The following SHC2 variants were observed in gnomAD, a reference collection of about 807,000 sequenced individuals.
SHC2 encodes SHC-transforming protein 2.
A neutral mutation model predicts 60.6 loss-of-function variants in SHC2; 62 were observed. The ratio of observed to expected loss-of-function variants is 1.02; its 90% confidence interval spans 0.83 to 1.26. SHC2 has a LOEUF of 1.26. Ranked by LOEUF, SHC2 falls within the 50% of genes most tolerant of loss-of-function variation. The pLI, the probability that SHC2 is intolerant of heterozygous loss-of-function variation, is 0.00. For missense variants in SHC2, 873 were observed against 822.2 expected, an observed-to-expected ratio of 1.06 and a Z score of -0.76; for synonymous variants, 375 against 372.4, an observed-to-expected ratio of 1.01 and a Z score of -0.08.
chr19:447,670 C>T (rs555291821), intron 1 of SHC2, among the ~76,000 whole-genome samples: 1 of 152,054 alleles, frequency 6.6e-6, no homozygotes, highest in South Asian at 2.1e-4. Flanking sequence ...CCCAGCTACT[C>T]GGGAGGCTGA....
At chr19:454,855 T>G (rs1975297476) in intron 1 of SHC2, among the ~76,000 whole-genome samples, 1 of 151,356 alleles carries the variant, frequency 6.6e-6, no homozygotes, top group East Asian at 2.0e-4. Context: ...GCCCGTCCCC[T>G]CTGGAGGCAG....
chr19:454,518 G>A (rs900965769), intron 1 of SHC2, among the ~76,000 whole-genome samples: 3 of 152,198 alleles, frequency 2.0e-5, no homozygotes, highest in East Asian at 1.9e-4. Context: ...CGGACGCGAC[G>A]GCGCACACCT....
At chr19:455,054 C>A (rs1975305114) in intron 1 of SHC2, among the ~76,000 whole-genome samples, 2 of 152,246 alleles carry the variant, frequency 1.3e-5, no homozygotes, top group African/African-American at 4.8e-5. Context: ...CCAACGTGAC[C>A]TTGTTTAATG....
chr19:425,200 G>T lies in SHC2; in HGVS notation c.1206C>A (p.Asp402Glu). Residue 402 changes from aspartate (D) to glutamate (E), a missense_variant, in exon 10 of 13, where the codon GAC becomes GAA. By Grantham distance (45) the Asp-to-Glu change is conservative (BLOSUM62 2). Coordinates refer to ENST00000264554, the MANE Select transcript of SHC2 (RefSeq NM_012435.3). This position sits in a 1 kb window ranked among gnomAD's most constrained non-coding sequence, Gnocchi z 4.1. ...APPGDGYVQA[D>E]ARGPPDHEEH... ...CCTCGTGGTCCGGGGGGCCCCGGGCGTCCGCCTGCACGTAGCCGTCCCCCG... is the reference window on the plus strand; with the variant it reads ...CCTCGTGGTCCGGGGGGCCCCGGGCTTCCGCCTGCACGTAGCCGTCCCCCG... The T allele has an allele frequency of 7.5e-7, 1 of 1,341,712 alleles. No homozygotes were observed. Among genetic ancestry groups the T allele is most frequent in the Non-Finnish European group, 9.6e-7 (1 of 1,036,892 alleles). The allele number at this position is 1,341,712 out of a possible 1,614,324, so 83.1% of individuals were successfully genotyped here.
intron 11 of SHC2, among the ~76,000 whole-genome samples, chr19:421,397 C>CAAAAAAAAAAAAAAAAAAAA (rs10582067): frequency 8.3e-6 from 1 of 120,140 alleles, no homozygotes; most frequent in African/African-American, 3.2e-5. Context: ...GAGACTCCAT[C>CAAAAAAAAAAAAAAAAAAAA]AAAAAAAAAA....
intron 1 of SHC2, among the ~76,000 whole-genome samples, chr19:455,911 C>T (rs1484480506): frequency 6.6e-6 from 1 of 152,022 alleles, no homozygotes; most frequent in Non-Finnish European, 1.5e-5. Flanking sequence ...GTCCCACCTG[C>T]AGGTCCCCTG....
At chr19:435,160 G>A (rs979334485) in intron 7 of SHC2, among the ~76,000 whole-genome samples, 1 of 152,254 alleles carries the variant, frequency 6.6e-6, no homozygotes, top group African/African-American at 2.4e-5. Flanking sequence ...GCAGCAGAGG[G>A]CATGAGCCAA....
Position 460,674 on chromosome 19 carries a change from C to G in SHC2, c.323G>C (p.Arg108Pro). ...GGACCCCGCCGCCCCCCGCCCGCCCCGCGACCCCCGCGACCCCGCGCCCCG... is the reference window on the plus strand; with the variant it reads ...GGACCCCGCCGCCCCCCGCCCGCCCGGCGACCCCCGCGACCCCGCGCCCCG... Reference protein sequence around the residue: ...RCRGAGSRGSRGGRGAAGSGD... With the variant: ...RCRGAGSRGSPGGRGAAGSGD... The change falls in exon 1 of 13, where the codon CGG (arginine) becomes CCG (proline). Residue 108 changes from arginine to proline, a missense_variant. By Grantham distance (103) the Arg-to-Pro change is moderately radical. Transcript: ENST00000264554. 7.6e-6 allele frequency: 8 copies of G among 1,057,206 alleles called. No homozygotes were observed. The highest frequency in any genetic ancestry group is 9.1e-6 in the Non-Finnish European group (8 of 881,830). The allele number at this position is 1,057,206 out of a possible 1,614,324, so 65.5% of individuals were successfully genotyped here. A position where few individuals can be genotyped will look rare whatever the true frequency, so the allele number is the denominator to read the frequency against.
At position 434,220 on chromosome 19, in the gene SHC2, T is replaced by TTGAG. The variant is rs776183290; in HGVS notation, c.1110+485_1110+488dup. ...ACGGCGCCCCATTGTGAGCCTGTGA[T>TTGAG]TGAGTGAGTGAGTGAGATCCTGAGT... is the stretch of plus-strand genomic sequence containing the variant. On this transcript the variant is annotated intron_variant, in intron 8 of 12. Transcript: ENST00000264554. 2.1e-4 allele frequency among the ~76,000 whole-genome samples: 12 copies of TTGAG among 58,410 alleles called. 1 individual carries two copies. Among genetic ancestry groups the TTGAG allele is most frequent in the Non-Finnish European group, 3.2e-4 (10 of 30,834 alleles). 38.3% of individuals were successfully genotyped at this position (58,410 alleles called of 152,430 possible).
intron 1 of SHC2, among the ~76,000 whole-genome samples, chr19:457,803 C>T (rs1975387616): frequency 6.6e-6 from 1 of 152,262 alleles, no homozygotes; most frequent in South Asian, 2.1e-4. Context: ...GAAGGAAGCG[C>T]ACGCGTCCTC....
intron 9 of SHC2, 88 bp downstream of exon 9, chr19:430,596 A>G: frequency 3.0e-6 from 3 of 988,470 alleles, no homozygotes; most frequent in Admixed American, 4.8e-5. Context: ...AGCAGAGAGG[A>G]GAAAGACTGA....
Position 440,079 on chromosome 19 carries a change from C to T in SHC2, c.539+783G>A, listed in dbSNP as rs1339633083. ...TCTGACCCAGGCCACAGCGCGGACA[C>T]ACCTCGGGAACGCCATGCTCAGTGA... On this transcript the variant is annotated intron_variant, in intron 2 of 12. Coordinates refer to ENST00000264554, the MANE Select transcript of SHC2 (RefSeq NM_012435.3). The surrounding 1 kb of genome is among the most constrained non-coding windows in gnomAD (Gnocchi z 7.0). Among the ~76,000 whole-genome samples, 2 of 119,850 alleles carry T rather than the reference C, an allele frequency of 1.7e-5. No homozygotes were observed. The highest frequency in any genetic ancestry group is 7.0e-4 in the East Asian group (2 of 2,876). 78.6% of individuals were successfully genotyped at this position (119,850 alleles called of 152,430 possible).
chr19:430,608 G>T, intron 9 of SHC2, 76 bp downstream of exon 9: 1 of 1,163,666 alleles, frequency 8.6e-7, no homozygotes, highest in Non-Finnish European at 1.2e-6. Flanking sequence ...AAAGACTGAG[G>T]GGGAGCCAGC....
intron 8 of SHC2, among the ~76,000 whole-genome samples, chr19:434,256 G>GTGAGTGAGATCA (rs1256180848): frequency 3.4e-5 from 4 of 117,630 alleles, no homozygotes; most frequent in Non-Finnish European, 7.4e-5. Context: ...GAGATCATGA[G>GTGAGTGAGATCA]TGAGTGAGAT....
At chr19:430,512 A>G (rs576674619) in intron 9 of SHC2, among the ~76,000 whole-genome samples, 172 bp downstream of exon 9, 1 of 152,358 alleles carries the variant, frequency 6.6e-6, no homozygotes, top group African/African-American at 2.4e-5. Context: ...TGTGTGCAGG[A>G]AAAACAGACA....
intron 4 of SHC2, among the ~76,000 whole-genome samples, chr19:436,906 ATG>A (rs1974736939): frequency 6.6e-6 from 1 of 152,026 alleles, no homozygotes; most frequent in Admixed American, 6.5e-5. Flanking sequence ...GCCCTAAGGG[ATG>A]TGTGGGGTCC....
rs1476368246 is a variant in SHC2, at chr19:453,479, C to T, written c.468+7050G>A. Among the ~76,000 whole-genome samples the T allele has an allele frequency of 6.6e-6, 1 of 152,122 alleles. No individual in the cohort carries two copies. The highest frequency in any genetic ancestry group is 2.4e-5 in the African/African-American group (1 of 41,414). On this transcript the variant is annotated intron_variant, in intron 1 of 12. Coordinates refer to ENST00000264554, the MANE Select transcript of SHC2 (RefSeq NM_012435.3). The surrounding 1 kb of genome is among the most constrained non-coding windows in gnomAD (Gnocchi z 6.3). ...TAGAGACAGGGTTTCACCAAGCTGCCCAGGCTGGTCTCAAACTCCTGGGCT... is the reference window on the plus strand; with the variant it reads ...TAGAGACAGGGTTTCACCAAGCTGCTCAGGCTGGTCTCAAACTCCTGGGCT...
rs1318113621 is a variant in SHC2 at position 453,562 on chromosome 19, C to G, written c.468+6967G>C. On this transcript the variant is annotated intron_variant, in intron 1 of 12. Coordinates refer to ENST00000264554, the MANE Select transcript of SHC2 (RefSeq NM_012435.3). The surrounding 1 kb of genome is among the most constrained non-coding windows in gnomAD (Gnocchi z 6.3). Reference sequence around the variant, plus strand: ...GCTGGATTACAGGCGTGAGCCACCACGCCCGGCCAGAACCCAGATCTTTAG... The same window carrying G: ...GCTGGATTACAGGCGTGAGCCACCAGGCCCGGCCAGAACCCAGATCTTTAG... 2.0e-5 allele frequency among the ~76,000 whole-genome samples: 3 copies of G among 152,178 alleles called. No individual in the cohort carries two copies. The highest frequency in any genetic ancestry group is 2.0e-4 in the Admixed American group (3 of 15,286).
chr19:444,753 C>T (rs1020631740), intron 1 of SHC2, among the ~76,000 whole-genome samples: 11 of 151,952 alleles, frequency 7.2e-5, no homozygotes, highest in African/African-American at 2.4e-4. Context: ...GCACAGCATC[C>T]TTTAATCCAC....
Sources: gnomAD v4.1 joint callset for allele counts (sites outside exome capture counted in the v4.1 genomes callset) on GRCh38, gnomAD v4.1.1 for gene constraint, Gnocchi (gnomAD v3.1) non-coding constraint, MANE v1.5 for transcripts, NCBI Gene and HGNC (gene_info 2026-07-23, HGNC 2026-07-21) for gene names.